SMG1: variants seen among roughly 807,000 people sequenced by gnomAD.
SMG1 encodes SMG1 nonsense mediated mRNA decay associated PI3K related kinase.
SMG1 carries 22 observed loss-of-function variants against 419.9 expected under a neutral mutation model. The ratio of observed to expected loss-of-function variants is 0.05; its 90% CI spans 0.04 to 0.07. The LOEUF (loss-of-function observed/expected upper bound fraction) is 0.07. SMG1 is among the 10% of genes least tolerant of loss of function. SMG1 has a pLI of 1.00. For synonymous variants in SMG1, 1,538 were observed against 1,553.5 expected, an observed-to-expected ratio of 0.99 and a Z score of 0.23; for missense variants, 3,185 against 4,342.0, an observed-to-expected ratio of 0.73 and a Z score of 7.49.
intron 42 of SMG1, 105 bp from the exon 43 acceptor site, chr16:18,838,794 CT>C: frequency 2.7e-6 from 2 of 750,502 alleles, no homozygotes; most frequent in South Asian, 3.7e-5. Flanking sequence ...AACCTACTCC[CT>C]TATTTTAAAA....
chr16:18,912,464 G>A (rs34486430), intron 1 of SMG1, among the ~76,000 whole-genome samples: 168 of 152,044 alleles, frequency 1.1e-3, no homozygotes, highest in Non-Finnish European at 2.0e-3. Flanking sequence ...TAAACATTAC[G>A]TTGTACCCTA....
chr16:18,923,510 T>TC (rs1414144487), intron 1 of SMG1, among the ~76,000 whole-genome samples: 1 of 151,876 alleles, frequency 6.6e-6, no homozygotes, highest in Non-Finnish European at 1.5e-5. Context: ...TGGACGCCTG[T>TC]AATCCCAGCT....
intron 1 of SMG1, among the ~76,000 whole-genome samples, chr16:18,919,998 C>T (rs974913589): frequency 2.0e-5 from 3 of 151,246 alleles, no homozygotes; most frequent in Non-Finnish European, 2.9e-5. Context: ...GGCTGAGGCA[C>T]GTGAATCACT....
intron 25 of SMG1, chr16:18,861,044 G>A (rs1273476181): frequency 1.2e-5 from 4 of 347,358 alleles, no homozygotes; most frequent in East Asian, 6.6e-5. Flanking sequence ...TCTCCTTCCT[G>A]TTTTCATGTG....
intron 1 of SMG1, among the ~76,000 whole-genome samples, chr16:18,904,101 C>G (rs552102592): frequency 1.3e-5 from 2 of 150,998 alleles, no homozygotes; most frequent in East Asian, 4.0e-4. Context: ...CCACGCCCGG[C>G]TAATTTTTTA....
intron 22 of SMG1, among the ~76,000 whole-genome samples, chr16:18,867,900 G>A (rs1409073736): frequency 5.9e-5 from 9 of 151,510 alleles, no homozygotes; most frequent in Non-Finnish European, 1.2e-4. Flanking sequence ...AGTAGAGGCG[G>A]GGTTTCACTG....
chr16:18,878,365 T>C (rs1264334427), intron 11 of SMG1: 4 of 150,870 alleles, frequency 2.7e-5, no homozygotes, highest in Admixed American at 6.6e-5. Context: ...CCCAGCACTT[T>C]GGGAGGGCAA....
In SMG1 at chr16:18,892,350, T is replaced by C. The variant is rs1168961593; in HGVS notation, c.417A>G (p.Arg139=). Residue 139 remains arginine, a synonymous_variant, in exon 4 of 63, where the codon AGA becomes AGG. Coordinates refer to ENST00000446231, the MANE Select transcript of SMG1 (RefSeq NM_015092.5). ...ATKDMRKSQE[R]SMSYSDESRL... is the part of the protein sequence containing the mutation. ...GAGACTCATCAGAATAAGACATCGA[T>C]CTCTCTGTGAATATATAAACATTTT... 3.2e-6 allele frequency: 5 copies of C among 1,549,040 alleles called. No individual in the cohort carries two copies. Among genetic ancestry groups the C allele is most frequent in the African/African-American group, 2.7e-5 (2 of 73,084 alleles).
chr16:18,830,365 G>A lies in SMG1; in HGVS notation c.8797C>T (p.Leu2933=). ...ATTAATTCACCGTACTGAGCATGTA[G>A]TAGTCTACAGAAAAACAAAAGGAGT... ...HAHYIDVARL[L]HAQYGELIQP... The change falls in exon 52 of 63, where the codon CTA becomes TTA. Residue 2933 remains leucine (L), a synonymous_variant. Coordinates refer to ENST00000446231, the MANE Select transcript of SMG1 (RefSeq NM_015092.5). 1 of 1,613,718 alleles carries A rather than the reference G, an allele frequency of 6.2e-7. No individual in the cohort carries two copies. Among genetic ancestry groups the A allele is most frequent in the Non-Finnish European group, 8.5e-7 (1 of 1,179,820 alleles).
chr16:18,860,174 C>A (rs546475475), intron 26 of SMG1, among the ~76,000 whole-genome samples: 6 of 152,152 alleles, frequency 3.9e-5, no homozygotes, highest in Admixed American at 3.3e-4. Context: ...GCCGAGATTG[C>A]GCCACTGCAC....
At chr16:18,810,940 C>A (rs1212724305) in intron 62 of SMG1, among the ~76,000 whole-genome samples, 6 of 152,088 alleles carry the variant, frequency 3.9e-5, no homozygotes, top group African/African-American at 7.2e-5. Context: ...ACTGGTGAGT[C>A]TAGGTAAAAC....
chr16:18,832,931 T>A lies in SMG1; in HGVS notation c.8792+9A>T. 6.2e-7 allele frequency: 1 copy of A among 1,609,100 alleles called. No individual in the cohort carries two copies. The highest frequency in any genetic ancestry group is 8.5e-7 in the Non-Finnish European group (1 of 1,175,448). On this transcript the variant is annotated intron_variant, in intron 51 of 62. Transcript: ENST00000446231. Reference sequence around the variant, plus strand: ...TTACAAGGAAACGGCACAGCCAGCATTCACTTGCCTGGCAACATCGATGTA... The same window carrying A: ...TTACAAGGAAACGGCACAGCCAGCAATCACTTGCCTGGCAACATCGATGTA...
rs759200472 is a variant in SMG1 at position 18,852,110 on chromosome 16, T to C, written c.5009A>G (p.Tyr1670Cys). The C allele has an allele frequency of 1.2e-6, 2 of 1,613,676 alleles. No homozygotes were observed. Among genetic ancestry groups the C allele is most frequent in the Non-Finnish European group, 1.7e-6 (2 of 1,179,766 alleles). The change falls in exon 33 of 63, where the codon TAT becomes TGT. Residue 1670 changes from tyrosine (Y) to cysteine (C), a missense_variant. Around this residue, in one of 27 missense-constraint regions of SMG1, gnomAD observed 493 missense variants for 552.9 expected, o/e 0.89. Transcript: ENST00000446231. Reference sequence around the variant, plus strand: ...ACACACAGCCTGTCCAAGAATACCATATATTCTCTCTTTCTCTTCCTCAGT... The same window carrying C: ...ACACACAGCCTGTCCAAGAATACCACATATTCTCTCTTTCTCTTCCTCAGT... The part of the protein sequence containing the change: ...TITEEEKERI[Y>C]GILGQAVCRP...
At chr16:18,841,218 G>A (rs1303227149) in intron 41 of SMG1, among the ~76,000 whole-genome samples, 2 of 151,984 alleles carry the variant, frequency 1.3e-5, no homozygotes, top group African/African-American at 4.8e-5. Flanking sequence ...TGAGCAACAT[G>A]GCAAAATCCC....
chr16:18,882,636 G>C (rs2036449080), intron 9 of SMG1, among the ~76,000 whole-genome samples: 1 of 152,148 alleles, frequency 6.6e-6, no homozygotes, highest in Non-Finnish European at 1.5e-5. Flanking sequence ...GTTATATGTA[G>C]GTATAAATGA....
chr16:18,922,954 G>T (rs1285170899), intron 1 of SMG1, among the ~76,000 whole-genome samples: 1 of 152,164 alleles, frequency 6.6e-6, no homozygotes, highest in East Asian at 1.9e-4. Context: ...GTTGGCAAGC[G>T]CCTGTAGCCC....
At position 18,876,114 on chromosome 16, in the gene SMG1, A is replaced by G; in HGVS notation, c.1890+10T>C. ...TGGATAAAACAAAGTCATTACAATT[A>G]AAGACTCACCCCTATTAGTGAGTTT... On this transcript the variant is annotated intron_variant, in intron 13 of 62. Coordinates refer to ENST00000446231, the MANE Select transcript of SMG1 (RefSeq NM_015092.5). 6.2e-7 allele frequency: 1 copy of G among 1,611,450 alleles called. No homozygotes were observed. Among genetic ancestry groups the G allele is most frequent in the South Asian group, 1.1e-5 (1 of 90,960 alleles).
intron 30 of SMG1, 131 bp downstream of exon 30, chr16:18,854,525 G>T: frequency 1.2e-6 from 1 of 855,830 alleles, no homozygotes; most frequent in Non-Finnish European, 1.8e-6. Flanking sequence ...TATTATTCAG[G>T]ATGCAAATGT....
chr16:18,870,583 G>A, intron 18 of SMG1, 27 bp downstream of exon 18: 2 of 1,401,026 alleles, frequency 1.4e-6, no homozygotes, highest in South Asian at 2.4e-5. Context: ...ATCACAGAAT[G>A]TCTTTGCTCC....
Sources: gnomAD v4.1 joint callset for allele counts (sites outside exome capture counted in the v4.1 genomes callset) on GRCh38, gnomAD v4.1.1 for gene constraint, gnomAD v4.1.1 regional missense constraint, MANE v1.5 for transcripts, NCBI Gene and HGNC (gene_info 2026-07-23, HGNC 2026-07-21) for gene names.